Variants in PCDHGA10 observed in about 807,000 individuals in gnomAD.
PCDHGA10 encodes protocadherin gamma-A10.
In PCDHGA10, 42 loss-of-function variants were observed where a neutral mutation model predicts 59.5. That is an observed-to-expected ratio of 0.71 (90% CI 0.55 to 0.91). The LOEUF (loss-of-function observed/expected upper bound fraction) is 0.91, where lower values mean the gene tolerates loss of function less well. Among genes scored for constraint, PCDHGA10 ranks in the 40% least tolerant of loss-of-function variants. The pLI is 0.00. For missense variants in PCDHGA10, 1,111 were observed against 1,198.2 expected (o/e 0.93, Z 1.07); for synonymous variants, 511 against 517.2 (o/e 0.99, Z 0.16).
chr5:141,455,795 C>T (rs1251703490), intron 1 of PCDHGA10, among the ~76,000 whole-genome samples: 1 of 151,960 alleles, frequency 6.6e-6, no homozygotes, highest in African/African-American at 2.4e-5. Flanking sequence ...TCCGGAGATG[C>T]TTTAAAAAAT....
At chr5:141,419,558 C>T (rs560723941) in intron 1 of PCDHGA10, 1 of 1,611,970 alleles carries the variant, frequency 6.2e-7, no homozygotes, top group African/African-American at 1.3e-5. Context: ...GTACCCTGCG[C>T]TGGGTCCCGA....
intron 1 of PCDHGA10, chr5:141,419,344 C>T (rs2096363174): frequency 1.9e-6 from 3 of 1,613,732 alleles, no homozygotes; most frequent in Non-Finnish European, 2.5e-6. Flanking sequence ...TTGCCAGCGA[C>T]CTGGAGTCAC....
At position 141,414,684 on chromosome 5, in the gene PCDHGA10, AC is replaced by A. The variant is rs1561750824; in HGVS notation, c.1511del (p.Pro504LeufsTer33). On this transcript the variant is annotated frameshift_variant, in exon 1 of 4. Transcript: ENST00000398610. LOFTEE classifies it high-confidence loss of function. ...TGGCTGAAGACACCATCCAGGGGGTACCTCTGTCCTCATACATATCCATCAA... is the reference window on the plus strand; with the variant it reads ...TGGCTGAAGACACCATCCAGGGGGTACTCTGTCCTCATACATATCCATCAA... ...SLAEDTIQGV[P>X]LSSYISINSD... The A allele has an allele frequency of 6.2e-7, 1 of 1,613,924 alleles. No individual in the cohort carries two copies. Among genetic ancestry groups the A allele is most frequent in the Admixed American group, 1.7e-5 (1 of 60,016 alleles).
intron 1 of PCDHGA10, among the ~76,000 whole-genome samples, chr5:141,460,003 A>AG (rs1177398494): frequency 6.6e-6 from 1 of 152,186 alleles, no homozygotes; most frequent in African/African-American, 2.4e-5. Context: ...GCTTGAACCC[A>AG]GGAGGCGGAG....
intron 1 of PCDHGA10, chr5:141,422,327 T>C (rs1561800795): frequency 1.3e-6 from 2 of 1,548,652 alleles, no homozygotes; most frequent in African/African-American, 2.8e-5. Context: ...GGTACAGTGA[T>C]TGCTCTTCTA....
intron 1 of PCDHGA10, among the ~76,000 whole-genome samples, chr5:141,462,105 G>A (rs2099031983): frequency 6.6e-6 from 1 of 152,170 alleles, no homozygotes; most frequent in South Asian, 2.1e-4. Flanking sequence ...TTACAGGCAT[G>A]AGCCACTGCA....
intron 1 of PCDHGA10, chr5:141,484,855 G>T (rs1178318896): frequency 3.9e-6 from 1 of 257,336 alleles, no homozygotes; most frequent in East Asian, 8.3e-5. Context: ...GTTTTTTGGG[G>T]GGTGGGGGAG....
intron 1 of PCDHGA10, among the ~76,000 whole-genome samples, chr5:141,470,036 C>T (rs573955901): frequency 5.3e-5 from 8 of 152,022 alleles, no homozygotes; most frequent in South Asian, 2.1e-4. Flanking sequence ...TGCTGAGGCG[C>T]GAGAACTGTT....
chr5:141,479,035 C>A (rs2099486361), intron 1 of PCDHGA10, among the ~76,000 whole-genome samples: 1 of 152,104 alleles, frequency 6.6e-6, no homozygotes, highest in Non-Finnish European at 1.5e-5. Context: ...TTATACAGAT[C>A]GTGTACCTCA....
intron 1 of PCDHGA10, chr5:141,492,005 C>A (rs1444993907): frequency 3.1e-6 from 2 of 642,268 alleles, no homozygotes; most frequent in African/African-American, 3.8e-5. Flanking sequence ...GGGCGATTTC[C>A]GCGGGTGTCG....
rs74792071 is a variant in PCDHGA10 at position 141,437,248 on chromosome 5, T to C, written c.2436+21637T>C. 4.6e-3 allele frequency among the ~76,000 whole-genome samples: 704 copies of C among 152,360 alleles called. 4 individuals carry two copies. The highest frequency in any genetic ancestry group is 0.015 in the African/African-American group (641 of 41,594). On this transcript the variant is annotated intron_variant, in intron 1 of 3. Transcript: ENST00000398610. ...CATAAAATTATGTCAAGGACTTTCC[T>C]TGTCTTTTTATGTGTATGACAGATG... is the stretch of plus-strand genomic sequence containing the variant.
chr5:141,478,497 CGGTGTTCTATAGGCA>C, intron 1 of PCDHGA10: 1 of 1,612,820 alleles, frequency 6.2e-7, no homozygotes, highest in South Asian at 1.1e-5. Flanking sequence ...AGCTGTGATC[CGGTGTTCTATAGGCA>C]GGTGTTGGGT....
intron 1 of PCDHGA10, chr5:141,419,430 A>T: frequency 1.2e-6 from 2 of 1,613,318 alleles, no homozygotes; most frequent in Non-Finnish European, 1.7e-6. Flanking sequence ...GACCACGAGC[A>T]GCTGCGCACC....
chr5:141,423,150 G>A, intron 1 of PCDHGA10: 1 of 1,613,538 alleles, frequency 6.2e-7, no homozygotes, highest in Non-Finnish European at 8.5e-7. Flanking sequence ...CGCTCAAGCA[G>A]AGCCTCGTGG....
chr5:141,414,158 G>A lies in PCDHGA10; in HGVS notation c.983G>A (p.Gly328Glu), dbSNP rs1167529832. Residue 328 changes from glycine to glutamate, a missense_variant, in exon 1 of 4, where the codon GGA (glycine) becomes GAA (glutamate). By Grantham distance (98) the Gly-to-Glu change is moderately conservative. Transcript: ENST00000398610. ...GAAATAGAAATACAAGCAGAAGATG[G>A]AGGAGCATATCTTGCAACTGCAAAA... is the stretch of plus-strand genomic sequence containing the variant. ...FYEIEIQAED[G>E]GAYLATAKVL... 1 of 1,602,572 alleles carries A rather than the reference G, an allele frequency of 6.2e-7. No individual in the cohort carries two copies. Among genetic ancestry groups the A allele is most frequent in the Non-Finnish European group, 8.5e-7 (1 of 1,174,310 alleles).
chr5:141,451,797 C>T (rs1207473455), intron 1 of PCDHGA10, among the ~76,000 whole-genome samples: 1 of 152,006 alleles, frequency 6.6e-6, no homozygotes, highest in African/African-American at 2.4e-5. Context: ...CAGAGAATTG[C>T]TTGAACCCAG....
At chr5:141,478,345 C>T (rs755421316) in intron 1 of PCDHGA10, 3 of 1,613,850 alleles carry the variant, frequency 1.9e-6, no homozygotes, top group East Asian at 4.5e-5. Context: ...CCTCCTTGCA[C>T]GCGGACGCCG....
At chr5:141,433,070 CCCCAG>C in intron 1 of PCDHGA10, 1 of 1,614,174 alleles carries the variant, frequency 6.2e-7, no homozygotes, top group Non-Finnish European at 8.5e-7. Context: ...CCTGATCTTC[CCCCAG>C]CCCAACTATG....
chr5:141,498,104 C>T (rs530844708), intron 2 of PCDHGA10, among the ~76,000 whole-genome samples: 2 of 152,106 alleles, frequency 1.3e-5, no homozygotes, highest in African/African-American at 4.8e-5. Context: ...GTGGTGTGGG[C>T]GTATAATAGG....
Sources: allele counts gnomAD v4.1 joint callset (sites outside exome capture counted in the v4.1 genomes callset), GRCh38; gene constraint gnomAD v4.1.1; transcripts MANE v1.5; gene names NCBI Gene and HGNC (gene_info 2026-07-23, HGNC 2026-07-21).